Variants in EFCAB3 observed in about 807,000 individuals in gnomAD.
EFCAB3 encodes EF-hand calcium binding domain 3.
A neutral mutation model predicts 42.2 loss-of-function variants in EFCAB3; 36 were observed. The observed-to-expected ratio is 0.85, with a 90% CI of 0.65 to 1.13. EFCAB3 has a LOEUF of 1.13. EFCAB3 is among the 50% of genes most tolerant of loss of function. The pLI, the probability that EFCAB3 is intolerant of heterozygous loss-of-function variation, is 0.00. For synonymous variants in EFCAB3, 170 were observed against 172.8 expected (o/e 0.98, Z 0.13); for missense variants, 418 against 505.1 (o/e 0.83, Z 1.65).
Position 62,413,994 on chromosome 17 carries a change from C to A in EFCAB3, c.990+140C>A. Reference sequence around the variant, plus strand: ...GACAAGGTTGTTTCTCATGTTTACCCATTGTAATAACACCATTTCTTTCTC... The same window carrying A: ...GACAAGGTTGTTTCTCATGTTTACCAATTGTAATAACACCATTTCTTTCTC... On this transcript the variant is annotated intron_variant, in intron 9 of 9. Transcript: ENST00000305286. 6 of 958,536 alleles carry A rather than the reference C, an allele frequency of 6.3e-6. No homozygotes were observed. The South Asian group carries it at 1.5e-4, about 23-fold the overall frequency. 59.4% of individuals were successfully genotyped at this position (958,536 alleles called of 1,614,324 possible).
chr17:62,415,886 A>T (rs1418593385), intron 9 of EFCAB3, 117 bp from the exon 10 acceptor site: 2 of 854,802 alleles, frequency 2.3e-6, no homozygotes, highest in Admixed American at 5.5e-5. Context: ...CCTAATGTAT[A>T]GATTCAGTGA....
Position 62,395,119 on chromosome 17 carries a change from T to C in EFCAB3, c.419T>C (p.Leu140Ser), listed in dbSNP as rs1306098673. The part of the protein sequence containing the change: ...LDLAGNPGIL[L>S]FEILSRLLET... ...TTGGCTGGCAACCCAGGAATCCTAT[T>C]GTTTGAAATCCTATCAAGGCTTCTA... is the stretch of plus-strand genomic sequence containing the variant. Residue 140 changes from leucine to serine, a missense_variant, in exon 6 of 10, where the codon TTG becomes TCG. By Grantham distance (145) the Leu-to-Ser change is moderately radical. Coordinates refer to ENST00000305286, the MANE Select transcript of EFCAB3 (RefSeq NM_173503.4). The C allele has an allele frequency of 6.2e-7, 1 of 1,614,062 alleles. No homozygotes were observed. The highest frequency in any genetic ancestry group is 1.3e-5 in the African/African-American group (1 of 74,936).
intron 3 of EFCAB3, among the ~76,000 whole-genome samples, chr17:62,388,211 GA>G (rs537644251): frequency 4.6e-4 from 67 of 144,820 alleles, no homozygotes; most frequent in African/African-American, 1.5e-3. Flanking sequence ...ACTACGTCTC[GA>G]AAAAAAAAAG....
chr17:62,377,386 G>A (rs1243856657), upstream of EFCAB3, among the ~76,000 whole-genome samples: 1 of 151,922 alleles, frequency 6.6e-6, no homozygotes, highest in Non-Finnish European at 1.5e-5. Flanking sequence ...CTTTTTTCCT[G>A]AGTATTAATC....
chr17:62,393,015 G>A (rs1451470819), intron 4 of EFCAB3, among the ~76,000 whole-genome samples: 1 of 152,086 alleles, frequency 6.6e-6, no homozygotes, highest in Non-Finnish European at 1.5e-5. Context: ...AATATATTCA[G>A]CATATTATCT....
Position 62,402,101 on chromosome 17 carries a change from G to A in EFCAB3, c.489-4379G>A, listed in dbSNP as rs568415843. Among the ~76,000 whole-genome samples, 71 of 152,190 alleles carry A rather than the reference G, an allele frequency of 4.7e-4. 1 individual carries two copies. Among genetic ancestry groups the A allele is most frequent in the African/African-American group, 1.6e-3 (68 of 41,516 alleles). On this transcript the variant is annotated intron_variant, in intron 6 of 9. Transcript: ENST00000305286. ...TTTGGCTCTCTGTTTGTCTGTTATC[G>A]GTGTATAGGAATGCTTGTGATTTTT...
intron 8 of EFCAB3, among the ~76,000 whole-genome samples, chr17:62,407,717 G>T (rs2070460697): frequency 6.6e-6 from 1 of 152,116 alleles, no homozygotes. Flanking sequence ...CCCCTCCCAG[G>T]ATATACTTTT....
At chr17:62,406,441 C>T in intron 6 of EFCAB3, 39 bp from the exon 7 acceptor site, 1 of 1,512,366 alleles carries the variant, frequency 6.6e-7, no homozygotes. Context: ...TGTCCTATGT[C>T]TCTTTGTATC....
chr17:62,393,876 C>T (rs945357851), intron 5 of EFCAB3, among the ~76,000 whole-genome samples: 1 of 152,182 alleles, frequency 6.6e-6, no homozygotes, highest in Admixed American at 6.5e-5. Context: ...AGACACTGCC[C>T]TTTGGTCTCC....
In EFCAB3 at chr17:62,393,578, G is replaced by A. The variant is rs189311418; in HGVS notation, c.301G>A (p.Gly101Arg). 166 of 1,613,742 alleles carry A rather than the reference G, an allele frequency of 1.0e-4. No individual in the cohort carries two copies. Among genetic ancestry groups the A allele is most frequent in the African/African-American group, 5.3e-4 (40 of 74,976 alleles). ...GTCTCAGATTTTTGTTGCAGGAGAT[G>A]GGAAGGTGAACTTCTCAGACTTTAT... ...ELKCADIDRDGKVNFSDFIKV... is the reference protein window; with the variant it reads ...ELKCADIDRDRKVNFSDFIKV... The change falls in exon 5 of 10, where the codon GGG (glycine) becomes AGG (arginine). Residue 101 changes from glycine (G) to arginine (R), a missense_variant. Coordinates refer to ENST00000305286, the MANE Select transcript of EFCAB3 (RefSeq NM_173503.4).
At chr17:62,386,981 A>G (rs2070257344) in intron 2 of EFCAB3, among the ~76,000 whole-genome samples, 3 of 152,004 alleles carry the variant, frequency 2.0e-5, no homozygotes, top group African/African-American at 7.2e-5. Context: ...TTGTAGAGAC[A>G]GGGTCTTGCT....
intron 1 of EFCAB3, chr17:62,381,891 G>A: frequency 2.6e-6 from 1 of 389,292 alleles, no homozygotes; most frequent in Non-Finnish European, 5.2e-6. Context: ...GGCTGTCTCT[G>A]CTGCCCCAGG....
intron 1 of EFCAB3, among the ~76,000 whole-genome samples, chr17:62,382,331 C>T (rs1431830383): frequency 6.6e-6 from 1 of 151,562 alleles, no homozygotes; most frequent in East Asian, 1.9e-4. Flanking sequence ...TTAAGGTGTA[C>T]AACTTGATAA....
At chr17:62,377,778 T>C (rs2070162347), upstream of EFCAB3, among the ~76,000 whole-genome samples, 1 of 152,086 alleles carries the variant, frequency 6.6e-6, no homozygotes, top group Non-Finnish European at 1.5e-5. Flanking sequence ...TTTCAATTTT[T>C]GCTTTTGGAG....
intron 3 of EFCAB3, 87 bp downstream of exon 3, chr17:62,387,503 A>G: frequency 8.5e-7 from 1 of 1,171,384 alleles, no homozygotes; most frequent in Non-Finnish European, 1.2e-6. Context: ...TGAGATTTCA[A>G]GGGTTGTCTA....
rs145870589 is a variant in EFCAB3, at chr17:62,410,762, C to T, written c.868-2970C>T. Among the ~76,000 whole-genome samples the T allele has an allele frequency of 5.4e-3, 818 of 152,166 alleles. 11 individuals carry two copies. Among genetic ancestry groups the T allele is most frequent in the African/African-American group, 0.017 (712 of 41,512 alleles). On this transcript the variant is annotated intron_variant, in intron 8 of 9. Coordinates refer to ENST00000305286, the MANE Select transcript of EFCAB3 (RefSeq NM_173503.4). The stretch of plus-strand genomic sequence containing the variant: ...CAAGTTAACAAGTGGCAATAGATCT[C>T]GGCCCTGATGAGTTGGGATTGGGGT...
upstream of EFCAB3, among the ~76,000 whole-genome samples, chr17:62,379,439 T>C (rs1410570797): frequency 6.7e-6 from 1 of 148,768 alleles, no homozygotes; most frequent in African/African-American, 2.5e-5. Context: ...AAAAAAAATC[T>C]AAGTAAGTAG....
intron 2 of EFCAB3, among the ~76,000 whole-genome samples, chr17:62,385,862 G>A (rs540941746): frequency 2.7e-5 from 4 of 150,824 alleles, no homozygotes; most frequent in East Asian, 3.9e-4. Context: ...TGGGACTACA[G>A]GCGCCCGCCA....
intron 6 of EFCAB3, among the ~76,000 whole-genome samples, chr17:62,403,141 T>C (rs1176769172): frequency 6.6e-6 from 1 of 152,196 alleles, no homozygotes; most frequent in Non-Finnish European, 1.5e-5. Context: ...CTTCTATAGT[T>C]CTTCCACTTG....
Sources: allele counts gnomAD v4.1 joint callset (sites outside exome capture counted in the v4.1 genomes callset), GRCh38; gene constraint gnomAD v4.1.1; transcripts MANE v1.5; gene names NCBI Gene and HGNC (gene_info 2026-07-23, HGNC 2026-07-21).